CNTN5: variants seen among roughly 807,000 people sequenced by gnomAD.
CNTN5 encodes contactin-5.
CNTN5 carries 77 observed loss-of-function variants against 129.1 expected under a neutral mutation model. The ratio of observed to expected loss-of-function variants is 0.60; its 90% CI spans 0.50 to 0.72. The LOEUF (loss-of-function observed/expected upper bound fraction) is 0.72. Among genes scored for constraint, CNTN5 ranks in the 30% least tolerant of loss-of-function variants. CNTN5 has a pLI of 0.00. For missense variants in CNTN5, 1,478 were observed against 1,328.8 expected, an observed-to-expected ratio of 1.11 and a Z score of -1.75; for synonymous variants, 509 against 465.6, an observed-to-expected ratio of 1.09 and a Z score of -1.20.
chr11:99,838,785 G>C (rs1947384880), intron 4 of CNTN5, among the ~76,000 whole-genome samples: 1 of 152,062 alleles, frequency 6.6e-6, no homozygotes, highest in Admixed American at 6.6e-5. Flanking sequence ...GATATGCAAT[G>C]GTCTTCTTCT....
chr11:99,051,126 T>A (rs1205390424), intron 1 of CNTN5, among the ~76,000 whole-genome samples: 3 of 151,956 alleles, frequency 2.0e-5, no homozygotes, highest in Admixed American at 2.0e-4. Flanking sequence ...AAATTAATAA[T>A]TTGCTGACTT....
intron 7 of CNTN5, among the ~76,000 whole-genome samples, chr11:99,937,997 C>T (rs1416817759): frequency 6.6e-6 from 1 of 152,184 alleles, no homozygotes; most frequent in Admixed American, 6.5e-5. Flanking sequence ...AATACATATC[C>T]TGCTTTCTGT....
intron 9 of CNTN5, among the ~76,000 whole-genome samples, chr11:100,037,147 A>T (rs894789251): frequency 1.4e-5 from 2 of 144,372 alleles, no homozygotes; most frequent in African/African-American, 2.7e-5. Flanking sequence ...CGTTCCATCA[A>T]TACCTAATTT....
intron 2 of CNTN5, among the ~76,000 whole-genome samples, chr11:99,398,672 C>T (rs1941649272): frequency 6.6e-6 from 1 of 151,904 alleles, no homozygotes; most frequent in Admixed American, 6.6e-5. Flanking sequence ...CATGTCTGTT[C>T]AACACTTGAT....
intron 21 of CNTN5, among the ~76,000 whole-genome samples, chr11:100,322,206 A>C (rs1951709385): frequency 6.7e-6 from 1 of 148,996 alleles, no homozygotes; most frequent in African/African-American, 2.5e-5. Flanking sequence ...ATATTGTTAC[A>C]TGCAACTGTA....
At chr11:100,259,042 A>G (rs903118437) in intron 17 of CNTN5, among the ~76,000 whole-genome samples, 1 of 152,284 alleles carries the variant, frequency 6.6e-6, no homozygotes, top group Admixed American at 6.5e-5. Context: ...TGCTGTATTC[A>G]GGAGACCCAT....
intron 6 of CNTN5, among the ~76,000 whole-genome samples, chr11:99,854,960 A>G (rs76147670): frequency 0.014 from 2,150 of 152,272 alleles, 53 homozygotes; most frequent in African/African-American, 0.048. Flanking sequence ...TATAATACAA[A>G]TGATGTTCAA....
intron 6 of CNTN5, among the ~76,000 whole-genome samples, chr11:99,898,557 T>C (rs1215706738): frequency 6.6e-6 from 1 of 152,068 alleles, no homozygotes; most frequent in African/African-American, 2.4e-5. Context: ...ATTAAATGCC[T>C]ATTATATTCT....
chr11:100,047,576 A>C (rs1942748240), intron 9 of CNTN5, among the ~76,000 whole-genome samples: 1 of 152,200 alleles, frequency 6.6e-6, no homozygotes, highest in South Asian at 2.1e-4. Context: ...CATTCCCAGA[A>C]ATATCAGAAA....
intron 1 of CNTN5, among the ~76,000 whole-genome samples, chr11:99,317,604 A>C (rs1335863079): frequency 2.0e-5 from 3 of 152,086 alleles, no homozygotes; most frequent in Non-Finnish European, 2.9e-5. Flanking sequence ...ACATTTTGAC[A>C]TACTCTAGAG....
At chr11:99,333,972 TCACACACACA>T (rs3990852) in intron 2 of CNTN5, among the ~76,000 whole-genome samples, 1 of 149,100 alleles carries the variant, frequency 6.7e-6, no homozygotes, top group African/African-American at 2.5e-5. Flanking sequence ...TCTCTCTCTC[TCACACACACA>T]CACACACACA....
intron 1 of CNTN5, among the ~76,000 whole-genome samples, chr11:99,156,944 G>A (rs1290739636): frequency 2.0e-5 from 3 of 151,970 alleles, no homozygotes; most frequent in Admixed American, 6.5e-5. Context: ...GTTTGGAAGG[G>A]ATAATTGTTG....
At chr11:99,739,562 C>T (rs1290344145) in intron 3 of CNTN5, among the ~76,000 whole-genome samples, 1 of 151,914 alleles carries the variant, frequency 6.6e-6, no homozygotes, top group Non-Finnish European at 1.5e-5. Context: ...TCTGGGATTC[C>T]ATTTGACCTG....
intron 9 of CNTN5, among the ~76,000 whole-genome samples, chr11:100,044,864 A>C (rs559072528): frequency 3.1e-4 from 47 of 152,126 alleles, no homozygotes; most frequent in African/African-American, 1.1e-3. Flanking sequence ...TATACTGAGA[A>C]CTCAGAAAAG....
At chr11:99,074,963 G>A (rs1591148715) in intron 1 of CNTN5, among the ~76,000 whole-genome samples, 1 of 152,132 alleles carries the variant, frequency 6.6e-6, no homozygotes. Flanking sequence ...CGAGGATATT[G>A]TAATCTTTTA....
At chr11:99,412,933 A>G (rs1284456918) in intron 2 of CNTN5, among the ~76,000 whole-genome samples, 1 of 152,246 alleles carries the variant, frequency 6.6e-6, no homozygotes, top group Non-Finnish European at 1.5e-5. Context: ...TTTTATTACC[A>G]GAGTACATCA....
chr11:99,779,179 T>A (rs1282528669), intron 3 of CNTN5, among the ~76,000 whole-genome samples: 1 of 151,998 alleles, frequency 6.6e-6, no homozygotes, highest in Non-Finnish European at 1.5e-5. Context: ...ATAAATGATT[T>A]CTGTATTTCT....
chr11:99,966,133 A>AT (rs1555168511), intron 8 of CNTN5, among the ~76,000 whole-genome samples: 1 of 152,184 alleles, frequency 6.6e-6, no homozygotes, highest in Non-Finnish European at 1.5e-5. Context: ...GCTAAAAAAA[A>AT]TCATTTCAAG....
At chr11:100,054,439 C>A (rs1358590299) in intron 9 of CNTN5, among the ~76,000 whole-genome samples, 21 of 151,800 alleles carry the variant, frequency 1.4e-4, no homozygotes, top group Admixed American at 1.4e-3. Flanking sequence ...TCATGTCTTT[C>A]TTCTAATAAT....
Sources: allele counts gnomAD v4.1 joint callset (sites outside exome capture counted in the v4.1 genomes callset), GRCh38; gene constraint gnomAD v4.1.1; transcripts MANE v1.5; gene names NCBI Gene and HGNC (gene_info 2026-07-23, HGNC 2026-07-21).